The following UBR3 variants were observed in gnomAD, a reference collection of about 807,000 sequenced individuals.
UBR3 encodes the protein E3 ubiquitin-protein ligase UBR3.
In UBR3, 85 loss-of-function variants were observed where a neutral mutation model predicts 243.2. The ratio of observed to expected loss-of-function variants is 0.35; its 90% CI spans 0.29 to 0.42. The LOEUF (loss-of-function observed/expected upper bound fraction) is 0.42, where lower values mean the gene tolerates loss of function less well. Among genes scored for constraint, UBR3 ranks in the 10% least tolerant of loss-of-function variants. The pLI, the probability that UBR3 is intolerant of heterozygous loss-of-function variation, is 1.00. For synonymous variants in UBR3, 748 were observed against 799.8 expected, an observed-to-expected ratio of 0.94 and a Z score of 1.09; for missense variants, 1,686 against 2,300.8, an observed-to-expected ratio of 0.73 and a Z score of 5.47.
rs372752032 is a variant in UBR3 at position 170,026,100 on chromosome 2, T to TA, written c.4454-3244dup. On this transcript the variant is annotated intron_variant, in intron 30 of 38. Coordinates refer to ENST00000272793, the MANE Select transcript of UBR3 (RefSeq NM_172070.4). ...ATAAAGGATGGCTTTTCCTTTTTTT[T>TA]AATGAGAAATGTCACCTTTTAGGGT... Among the ~76,000 whole-genome samples, 350 of 151,994 alleles carry TA rather than the reference T, an allele frequency of 2.3e-3. 2 individuals are homozygous for TA. Among genetic ancestry groups the TA allele is most frequent in the African/African-American group, 8.2e-3 (339 of 41,450 alleles).
chr2:170,062,218 G>T (rs2091471228), intron 35 of UBR3, among the ~76,000 whole-genome samples: 1 of 152,092 alleles, frequency 6.6e-6, no homozygotes, highest in Non-Finnish European at 1.5e-5. Flanking sequence ...GATATGAGTG[G>T]GCAAGAAAGT....
chr2:169,952,209 T>A (rs2087064500), intron 23 of UBR3, among the ~76,000 whole-genome samples: 1 of 151,928 alleles, frequency 6.6e-6, no homozygotes, highest in African/African-American at 2.4e-5. Flanking sequence ...CCTACAAAGG[T>A]GACTGACGAA....
chr2:170,040,839 A>T (rs2090949796), intron 31 of UBR3, 43 bp from the exon 32 acceptor site: 4 of 1,401,362 alleles, frequency 2.9e-6, no homozygotes, highest in Middle Eastern at 1.8e-4. Context: ...TTAGAAAGAG[A>T]AGATATACAA....
intron 31 of UBR3, among the ~76,000 whole-genome samples, chr2:170,031,625 C>T (rs2090673669): frequency 6.6e-6 from 1 of 152,036 alleles, no homozygotes; most frequent in African/African-American, 2.4e-5. Flanking sequence ...TTGTTTTTAT[C>T]ATCCAGGTGT....
chr2:169,953,383 T>C (rs1463969734), intron 23 of UBR3, among the ~76,000 whole-genome samples: 1 of 152,174 alleles, frequency 6.6e-6, no homozygotes, highest in Non-Finnish European at 1.5e-5. Flanking sequence ...TTCCAAGTAC[T>C]TCACCTTTAG....
intron 26 of UBR3, among the ~76,000 whole-genome samples, chr2:169,995,565 C>G (rs1882357): frequency 2.6e-5 from 4 of 151,996 alleles, no homozygotes; most frequent in Non-Finnish European, 4.4e-5. Flanking sequence ...CAAGAACCTA[C>G]TGATAACATT....
intron 29 of UBR3, among the ~76,000 whole-genome samples, chr2:170,014,646 A>G (rs1333426582): frequency 6.6e-6 from 1 of 152,086 alleles, no homozygotes; most frequent in East Asian, 1.9e-4. Context: ...ATACCTTGCA[A>G]TTTCAGGTCT....
At chr2:169,916,740 T>G (rs1387543547) in intron 11 of UBR3, among the ~76,000 whole-genome samples, 2 of 152,018 alleles carry the variant, frequency 1.3e-5, no homozygotes, top group Non-Finnish European at 2.9e-5. Context: ...CCATGCCAGG[T>G]CAGTCCCCAT....
At chr2:169,903,575 G>T (rs1304722654) in intron 8 of UBR3, among the ~76,000 whole-genome samples, 1 of 152,140 alleles carries the variant, frequency 6.6e-6, no homozygotes, top group East Asian at 1.9e-4. Context: ...CTTAGATATT[G>T]TTAAACTTAT....
chr2:169,945,555 C>T (rs959942796), intron 20 of UBR3, among the ~76,000 whole-genome samples: 3 of 152,194 alleles, frequency 2.0e-5, no homozygotes, highest in Admixed American at 2.0e-4. Context: ...ACTGCTGCTG[C>T]CTACAGAATT....
intron 25 of UBR3, among the ~76,000 whole-genome samples, chr2:169,991,713 G>A (rs1186041035): frequency 6.6e-6 from 1 of 152,052 alleles, no homozygotes; most frequent in East Asian, 1.9e-4. Context: ...TTCCCAAGTA[G>A]CTGGGACCAC....
In UBR3 at chr2:169,896,599, T is replaced by C. The variant is rs918705407; in HGVS notation, c.1329T>C (p.Ile443=). 12 of 1,550,868 alleles carry C rather than the reference T, an allele frequency of 7.7e-6. No homozygotes were observed. In the African/African-American group the frequency reaches 1.2e-4, roughly 16 times the overall value. ...SHESDTMSNR[I]VHISVQLFSN... ...AATCAGACACAATGTCTAACAGAAT[T>C]GTGCATATTAGTGTTCAGTTGTTCA... The change falls in exon 8 of 39, where the codon ATT becomes ATC. Residue 443 remains isoleucine, a synonymous_variant. Coordinates refer to ENST00000272793, the MANE Select transcript of UBR3 (RefSeq NM_172070.4).
chr2:170,069,991 ATTG>A (rs890541912), intron 35 of UBR3, among the ~76,000 whole-genome samples: 4 of 152,044 alleles, frequency 2.6e-5, no homozygotes, highest in East Asian at 1.9e-4. Flanking sequence ...TTTGTATTTT[ATTG>A]TTATTTTTTA....
At chr2:169,961,397 G>C (rs371420428) in intron 24 of UBR3, among the ~76,000 whole-genome samples, 11 of 151,870 alleles carry the variant, frequency 7.2e-5, no homozygotes, top group African/African-American at 2.4e-4. Flanking sequence ...TACCCAGGCT[G>C]GATTTGAACT....
At chr2:169,887,390 A>T (rs1314801804) in intron 5 of UBR3, among the ~76,000 whole-genome samples, 1 of 152,208 alleles carries the variant, frequency 6.6e-6, no homozygotes, top group Non-Finnish European at 1.5e-5. Flanking sequence ...TCAGGGACAA[A>T]TGAACCTTAG....
In UBR3 at chr2:169,924,164, C is replaced by G; in HGVS notation, c.2013C>G (p.Leu671=). 1 of 1,544,450 alleles carries G rather than the reference C, an allele frequency of 6.5e-7. No homozygotes were observed. The change falls in exon 13 of 39, where the codon CTC becomes CTG. Residue 671 remains leucine (L), a synonymous_variant. Transcript: ENST00000272793. ...TAATGAAACTAATGATTCACCCACT[C>G]CAAATTCAAGTATGTATTCAGGCAT... ...EMLMKLMIHP[L]QIQASLAEIH... is the part of the protein sequence containing the mutation.
chr2:169,904,211 A>T (rs2084930884), intron 8 of UBR3, among the ~76,000 whole-genome samples: 1 of 152,118 alleles, frequency 6.6e-6, no homozygotes, highest in Non-Finnish European at 1.5e-5. Context: ...CTGTGCTTTC[A>T]TATGTCATTA....
chr2:169,951,078 G>A (rs1159723227), intron 23 of UBR3, among the ~76,000 whole-genome samples: 1 of 151,954 alleles, frequency 6.6e-6, no homozygotes, highest in Non-Finnish European at 1.5e-5. Context: ...CAATTATAGG[G>A]GAAGGGTACA....
chr2:169,837,617 G>T (rs1291094999), intron 1 of UBR3, among the ~76,000 whole-genome samples: 2 of 152,140 alleles, frequency 1.3e-5, no homozygotes, highest in Non-Finnish European at 2.9e-5. Flanking sequence ...CAGAGCAGCA[G>T]GGGGGGAGAA....
Sources: allele counts gnomAD v4.1 joint callset (sites outside exome capture counted in the v4.1 genomes callset), GRCh38; gene constraint gnomAD v4.1.1; transcripts MANE v1.5; gene names NCBI Gene and HGNC (gene_info 2026-07-23, HGNC 2026-07-21).